Variants in GRIN3A observed in about 807,000 individuals in gnomAD.
GRIN3A encodes the protein glutamate ionotropic receptor NMDA type subunit 3A.
Under a neutral mutation model 92.4 loss-of-function variants are expected in GRIN3A, and 47 were observed. That is an observed-to-expected ratio of 0.51 (90% CI 0.40 to 0.65). The LOEUF is 0.65. Ranked by LOEUF, GRIN3A falls within the 30% of genes least tolerant of loss-of-function variation. The pLI, the probability that GRIN3A is intolerant of heterozygous loss-of-function variation, is 0.00. For synonymous variants in GRIN3A, 527 were observed against 540.6 expected, an observed-to-expected ratio of 0.97 and a Z score of 0.35; for missense variants, 1,324 against 1,393.1, an observed-to-expected ratio of 0.95 and a Z score of 0.79.
chr9:101,665,344 C>T (rs180743781), intron 3 of GRIN3A, among the ~76,000 whole-genome samples: 52 of 151,696 alleles, frequency 3.4e-4, no homozygotes, highest in African/African-American at 1.2e-3. Context: ...CTCAAGATAA[C>T]CAAAGAAGAG....
intron 3 of GRIN3A, among the ~76,000 whole-genome samples, chr9:101,660,481 C>A (rs922869845): frequency 6.6e-6 from 1 of 151,708 alleles, no homozygotes; most frequent in Admixed American, 6.6e-5. Flanking sequence ...CAATAATTAT[C>A]CAAATGGGGA....
rs753302033 is a variant in GRIN3A at position 101,577,796 on chromosome 9, G to C, written c.2980C>G (p.His994Asp). Residue 994 changes from histidine to aspartate, a missense_variant, in exon 8 of 9, where the codon CAT becomes GAT. His to Asp is a moderately conservative substitution (Grantham distance 81, BLOSUM62 -1). Coordinates refer to ENST00000361820, the MANE Select transcript of GRIN3A (RefSeq NM_133445.3). ...TTTTCCACACGTTTGGTCTTGAAAT[G>C]CTGCTGCTTTTCCTCTATAAATGAT... is the stretch of plus-strand genomic sequence containing the variant. ...NTSFIEEKQQ[H>D]FKTKRVEKRS... 4 of 1,612,752 alleles carry C rather than the reference G, an allele frequency of 2.5e-6. No homozygotes were observed. The East Asian group carries it at 8.9e-5, about 36-fold the overall frequency.
intron 2 of GRIN3A, among the ~76,000 whole-genome samples, chr9:101,684,118 C>CTTTCTTTCTTTCTTTCT (rs1554722001): frequency 8.1e-6 from 1 of 123,798 alleles, no homozygotes; most frequent in African/African-American, 3.0e-5. Flanking sequence ...TTCTTTCTTT[C>CTTTCTTTCTTTCTTTCT]TTTTTTTTTT....
At chr9:101,708,400 G>A (rs1829836941) in intron 1 of GRIN3A, among the ~76,000 whole-genome samples, 2 of 152,090 alleles carry the variant, frequency 1.3e-5, no homozygotes, top group African/African-American at 2.4e-5. Context: ...TATAGATAAA[G>A]CCAATTACAG....
chr9:101,729,568 A>T (rs1329216653), intron 1 of GRIN3A, among the ~76,000 whole-genome samples: 1 of 152,140 alleles, frequency 6.6e-6, no homozygotes, highest in African/African-American at 2.4e-5. Flanking sequence ...CCTTGTGATG[A>T]CATTGAGTAC....
intron 3 of GRIN3A, among the ~76,000 whole-genome samples, chr9:101,663,445 A>G (rs1829201593): frequency 6.6e-6 from 1 of 151,812 alleles, no homozygotes; most frequent in African/African-American, 2.4e-5. Flanking sequence ...TTATTGAATG[A>G]ATTAAGAAAG....
chr9:101,626,374 G>A (rs1588255411), intron 4 of GRIN3A, among the ~76,000 whole-genome samples: 1 of 152,164 alleles, frequency 6.6e-6, no homozygotes, highest in Admixed American at 6.5e-5. Flanking sequence ...GAAAGGACAG[G>A]TTCAATATGT....
At chr9:101,649,371 C>T (rs1301678926) in intron 3 of GRIN3A, among the ~76,000 whole-genome samples, 3 of 151,982 alleles carry the variant, frequency 2.0e-5, no homozygotes, top group Non-Finnish European at 4.4e-5. Flanking sequence ...GCACCAGTTG[C>T]TGCAAACAGT....
intron 6 of GRIN3A, among the ~76,000 whole-genome samples, chr9:101,589,908 C>T (rs929173519): frequency 7.9e-5 from 12 of 152,244 alleles, no homozygotes; most frequent in African/African-American, 2.6e-4. Flanking sequence ...CACTGAAACT[C>T]TTAATTTCAT....
chr9:101,705,246 G>C (rs1056562571), intron 1 of GRIN3A, among the ~76,000 whole-genome samples: 1 of 152,126 alleles, frequency 6.6e-6, no homozygotes, highest in African/African-American at 2.4e-5. Context: ...GTTGAGAAGA[G>C]CAGAGGAACA....
chr9:101,618,744 A>G (rs1280489827), intron 5 of GRIN3A, among the ~76,000 whole-genome samples: 2 of 152,198 alleles, frequency 1.3e-5, no homozygotes, highest in African/African-American at 4.8e-5. Flanking sequence ...ATTCAAAAAC[A>G]TAAAATAAAA....
chr9:101,737,216 C>G lies in GRIN3A; in HGVS notation c.699+65G>C, dbSNP rs189941998. 153 of 1,349,662 alleles carry G rather than the reference C, an allele frequency of 1.1e-4. 4 individuals are homozygous for G. In the Admixed American group the frequency reaches 1.7e-3, roughly 15 times the overall value. The allele number at this position is 1,349,662 out of a possible 1,614,324, so 83.6% of individuals were successfully genotyped here. On this transcript the variant is annotated intron_variant, in intron 1 of 8. Transcript: ENST00000361820. ...GACTTTACCAAGCCGTTTTCTCTCC[C>G]CTCATGCAATGGCCCCGGCCCCCAG...
intron 4 of GRIN3A, among the ~76,000 whole-genome samples, chr9:101,627,329 T>C (rs908430985): frequency 6.6e-6 from 1 of 152,216 alleles, no homozygotes; most frequent in East Asian, 1.9e-4. Flanking sequence ...TAAAATTTTT[T>C]AAGTGGCATG....
intron 3 of GRIN3A, among the ~76,000 whole-genome samples, chr9:101,631,848 T>G (rs1197772586): frequency 6.6e-6 from 1 of 152,186 alleles, no homozygotes; most frequent in Non-Finnish European, 1.5e-5. Flanking sequence ...CTGCTCTTAT[T>G]TGAGTCACCA....
chr9:101,622,969 T>C (rs895150689), intron 5 of GRIN3A, among the ~76,000 whole-genome samples: 70 of 146,878 alleles, frequency 4.8e-4, no homozygotes, highest in Non-Finnish European at 6.7e-4. Context: ...TTGGGCAACA[T>C]AGCACATAGC....
At chr9:101,581,560 T>C (rs1260781112) in intron 6 of GRIN3A, among the ~76,000 whole-genome samples, 1 of 152,152 alleles carries the variant, frequency 6.6e-6, no homozygotes, top group Non-Finnish European at 1.5e-5. Context: ...TTGTCCCCTG[T>C]GGAGGACAAG....
rs141400459 is a variant in GRIN3A, at chr9:101,629,699, T to C, written c.2353-1298A>G. Among the ~76,000 whole-genome samples, 16 of 152,368 alleles carry C rather than the reference T, an allele frequency of 1.1e-4. No homozygotes were observed. In the East Asian group the frequency reaches 2.9e-3, roughly 28 times the overall value. ...ATACTTAACATTTATTAAACACTTA[T>C]TATGCGCCAAACAAGATACTTAGAG... is the stretch of plus-strand genomic sequence containing the variant. On this transcript the variant is annotated intron_variant, in intron 3 of 8. Coordinates refer to ENST00000361820, the MANE Select transcript of GRIN3A (RefSeq NM_133445.3).
intron 6 of GRIN3A, chr9:101,595,015 A>T (rs1432748322): frequency 2.0e-4 from 243 of 1,203,062 alleles, no homozygotes; most frequent in East Asian, 7.2e-4. Context: ...CGGTTGGGCC[A>T]TGGGGTGGGG....
intron 6 of GRIN3A, among the ~76,000 whole-genome samples, chr9:101,610,581 CT>C (rs1355098269): frequency 5.4e-5 from 7 of 129,994 alleles, no homozygotes; most frequent in African/African-American, 1.1e-4. Context: ...ATCCATCTAT[CT>C]ATCTATCTAT....
Sources: gnomAD v4.1 joint callset for allele counts (sites outside exome capture counted in the v4.1 genomes callset) on GRCh38, gnomAD v4.1.1 for gene constraint, MANE v1.5 for transcripts, NCBI Gene and HGNC (gene_info 2026-07-23, HGNC 2026-07-21) for gene names.